Variants in KIAA1210 observed in about 807,000 individuals in gnomAD.
KIAA1210 encodes acrosomal protein KIAA1210.
Under a neutral mutation model 78.9 loss-of-function variants are expected in KIAA1210, and 48 were observed. That is an observed-to-expected ratio of 0.61 (90% CI 0.48 to 0.77). The LOEUF (loss-of-function observed/expected upper bound fraction) is 0.77. Ranked by LOEUF, KIAA1210 falls within the 30% of genes least tolerant of loss-of-function variation. The pLI is 0.00. For synonymous variants in KIAA1210, 406 were observed against 404.5 expected, an observed-to-expected ratio of 1.00 and a Z score of -0.04; for missense variants, 1,108 against 1,100.0, an observed-to-expected ratio of 1.01 and a Z score of -0.10.
chrX:119,099,181 T>C, intron 6 of KIAA1210, among the ~76,000 whole-genome samples: 2 of 112,924 alleles, frequency 1.8e-5, no homozygotes, highest in Non-Finnish European at 3.7e-5. Context: ...TATAAAGAAC[T>C]TTCAATTCAG....
Position 119,087,426 on chromosome X carries a change from A to G in KIAA1210, c.3276T>C (p.Pro1092=). The G allele has an allele frequency of 8.3e-7, 1 of 1,210,719 alleles. No homozygotes were observed. The highest frequency in any genetic ancestry group is 1.1e-6 in the Non-Finnish European group (1 of 894,972). The stretch of plus-strand genomic sequence containing the variant: ...AAGAGAAAACTTTCTGTGGGTCTTC[A>G]GGCCTCCCCAAGGACTGTAAAGGGT... The part of the protein sequence containing the change: ...MKHPLQSLGR[P]EDPQKVFSYS... The change falls in exon 9 of 12, where the codon CCT becomes CCC. Residue 1092 remains proline (P), a synonymous_variant. Coordinates refer to ENST00000691062, the MANE Select transcript of KIAA1210 (RefSeq NM_001394962.1).
At chrX:119,084,398 T>C (rs1927067985) in intron 10 of KIAA1210, among the ~76,000 whole-genome samples, 1 of 112,021 alleles carries the variant, frequency 8.9e-6, no homozygotes, top group African/African-American at 3.2e-5. Flanking sequence ...GAACTTGTTG[T>C]GTACTGATAC....
intron 3 of KIAA1210, 33 bp from the exon 4 acceptor site, chrX:119,109,235 C>A (rs1478105411): frequency 8.6e-7 from 1 of 1,168,757 alleles, no homozygotes; most frequent in Admixed American, 2.5e-5. Flanking sequence ...GTAAAAGCAA[C>A]CCAAGGGCCA....
At position 119,089,655 on chromosome X, in the gene KIAA1210, C is replaced by T. The variant is rs1427564987; in HGVS notation, c.1047G>A (p.Gln349=). Residue 349 remains glutamine (Q), a synonymous_variant, in exon 9 of 12, where the codon CAG becomes CAA. Transcript: ENST00000691062. ...QAPNTDASRS[Q]GYPMSAAYGR... is the part of the protein sequence containing the mutation. ...CATATGCTGCTGACATTGGATAGCC[C>T]TGACTCCGAGAAGCATCAGTGTTTG... The T allele has an allele frequency of 8.3e-7, 1 of 1,211,558 alleles. No homozygotes were observed.
Position 119,078,939 on chromosome X carries a change from G to A in KIAA1210, c.*2390C>T, listed in dbSNP as rs1370405455. On this transcript the variant is annotated 3_prime_UTR_variant, in exon 12 of 12. Transcript: ENST00000691062. ...GACAATAACTGAATACAGGTTCACTGTAAAAAAGGGAAGGGAGGTGTAACA... is the reference window on the plus strand; with the variant it reads ...GACAATAACTGAATACAGGTTCACTATAAAAAAGGGAAGGGAGGTGTAACA... 8.9e-6 allele frequency: 1 copy of A among 111,939 alleles called. No homozygotes were observed. Among genetic ancestry groups the A allele is most frequent in the Non-Finnish European group, 1.9e-5 (1 of 53,217 alleles). The allele number at this position is 111,939 out of a possible 1,213,427, so 9.2% of individuals were successfully genotyped here.
At chrX:119,138,826 A>G (rs1188083185) in intron 2 of KIAA1210, among the ~76,000 whole-genome samples, 2 of 111,694 alleles carry the variant, frequency 1.8e-5, no homozygotes, top group Non-Finnish European at 1.9e-5. Flanking sequence ...AAAAAGCCAC[A>G]CTGGAGTAGC....
Position 119,087,250 on chromosome X carries a change from T to C in KIAA1210, c.3452A>G (p.Gln1151Arg), listed in dbSNP as rs755478772. The C allele has an allele frequency of 1.1e-4, 130 of 1,209,167 alleles. No homozygotes were observed. The highest frequency in any genetic ancestry group is 1.4e-4 in the Non-Finnish European group (127 of 894,768). The change falls in exon 9 of 12, where the codon CAG becomes CGG. Residue 1151 changes from glutamine (Q) to arginine (R), a missense_variant. By Grantham distance (43) the Gln-to-Arg change is conservative. This residue lies in a region of KIAA1210 where 245 missense variants were observed against 278.8 expected (regional missense o/e 0.88). Coordinates refer to ENST00000691062, the MANE Select transcript of KIAA1210 (RefSeq NM_001394962.1). ...SPKEWRNSKK[Q>R]LPPKHSSQAS... is the part of the protein sequence containing the mutation. ...TTGGGAAGAATGTTTGGGAGGCAGC[T>C]GCTTTTTAGAATTCCTCCACTCTTT...
Position 119,087,185 on chromosome X carries a change from T to C in KIAA1210, c.3517A>G (p.Lys1173Glu). The change falls in exon 9 of 12, where the codon AAG (lysine) becomes GAG (glutamate). Residue 1173 changes from lysine (K) to glutamate (E), a missense_variant. Around this residue, in one of 5 missense-constraint regions of KIAA1210, gnomAD observed 245 missense variants for 278.8 expected, o/e 0.88. Transcript: ENST00000691062. ...TTTACAGGTACATTCACTGGGCCCT[T>C]TGATGACATCTGTGGCTGGAATTTA... ...RSKFQPQMSSKGPVNVPVKQS... is the reference protein window; with the variant it reads ...RSKFQPQMSSEGPVNVPVKQS... 1.7e-6 allele frequency: 2 copies of C among 1,211,791 alleles called. No individual in the cohort carries two copies. Among genetic ancestry groups the C allele is most frequent in the Non-Finnish European group, 2.2e-6 (2 of 895,475 alleles).
chrX:119,111,265 C>G (rs1569318415), intron 3 of KIAA1210, among the ~76,000 whole-genome samples: 1 of 111,735 alleles, frequency 8.9e-6, no homozygotes, highest in Non-Finnish European at 1.9e-5. Context: ...GGACCTTTAT[C>G]TCACAACATA....
chrX:119,111,913 T>G (rs1928087998), intron 3 of KIAA1210, among the ~76,000 whole-genome samples: 1 of 111,099 alleles, frequency 9.0e-6, no homozygotes, highest in African/African-American at 3.3e-5. Flanking sequence ...AAAAAATAAA[T>G]AGATAAATAG....
intron 1 of KIAA1210, among the ~76,000 whole-genome samples, chrX:119,125,001 T>G (rs1358734613): frequency 1.8e-5 from 2 of 111,807 alleles, no homozygotes; most frequent in Non-Finnish European, 3.8e-5. Flanking sequence ...AATTTCTTAA[T>G]TTATAAAGAG....
chrX:119,107,853 T>A (rs952066515), intron 5 of KIAA1210, among the ~76,000 whole-genome samples: 3 of 111,988 alleles, frequency 2.7e-5, no homozygotes, highest in Non-Finnish European at 5.6e-5. Flanking sequence ...CTTGACAATA[T>A]CTTCAGCTCC....
chrX:119,086,338 T>C (rs980837032), intron 9 of KIAA1210, among the ~76,000 whole-genome samples: 1 of 111,611 alleles, frequency 9.0e-6, no homozygotes, highest in African/African-American at 3.3e-5. Flanking sequence ...GGGGATCCCA[T>C]TAGGAAAGGG....
chrX:119,133,584 G>A (rs1353189206), intron 2 of KIAA1210, among the ~76,000 whole-genome samples: 1 of 111,475 alleles, frequency 9.0e-6, no homozygotes, highest in Non-Finnish European at 1.9e-5. Flanking sequence ...ACTTCTGTTT[G>A]TTTGTGCTCC....
chrX:119,110,132 G>A (rs1057330663), intron 3 of KIAA1210, among the ~76,000 whole-genome samples: 3 of 111,400 alleles, frequency 2.7e-5, no homozygotes, highest in African/African-American at 9.8e-5. Context: ...ACACACTCAC[G>A]AACTGAATCC....
intron 9 of KIAA1210, 58 bp downstream of exon 9, chrX:119,086,488 G>C (rs1394065487): frequency 9.6e-7 from 1 of 1,044,794 alleles, no homozygotes; most frequent in Non-Finnish European, 1.3e-6. Context: ...TCAAGGCTTT[G>C]CTTTCCAGTT....
intron 1 of KIAA1210, among the ~76,000 whole-genome samples, chrX:119,127,251 A>G (rs1928673902): frequency 9.1e-6 from 1 of 109,810 alleles, no homozygotes; most frequent in African/African-American, 3.3e-5. Context: ...GCCTGTGGGA[A>G]AAAAAGCCCG....
intron 7 of KIAA1210, 131 bp from the exon 8 acceptor site, chrX:119,093,906 A>C (rs1243346113): frequency 2.4e-5 from 21 of 866,603 alleles, no homozygotes; most frequent in Non-Finnish European, 3.4e-5. Flanking sequence ...TTAAAGATGG[A>C]CGTTATTTCA....
chrX:119,144,550 A>T (rs1014279709), intron 2 of KIAA1210, among the ~76,000 whole-genome samples: 1 of 111,994 alleles, frequency 8.9e-6, no homozygotes, highest in Admixed American at 9.5e-5. Flanking sequence ...CCAAAGAGGC[A>T]TGGGGACATG....
Sources: gnomAD v4.1 joint callset for allele counts (sites outside exome capture counted in the v4.1 genomes callset) on GRCh38, gnomAD v4.1.1 for gene constraint, gnomAD v4.1.1 regional missense constraint, MANE v1.5 for transcripts, NCBI Gene and HGNC (gene_info 2026-07-23, HGNC 2026-07-21) for gene names.